Variants in ANKS1B observed in about 807,000 individuals in gnomAD.
ANKS1B encodes the protein ankyrin repeat and sterile alpha motif domain containing 1B, also known as ankyrin repeat and sterile alpha motif domain-containing protein 1B.
ANKS1B carries 36 observed loss-of-function variants against 148.3 expected under a neutral mutation model. That is an observed-to-expected ratio of 0.24 (90% CI 0.19 to 0.32). ANKS1B has a LOEUF of 0.32. Among genes scored for constraint, ANKS1B ranks in the 10% least tolerant of loss-of-function variants. The probability of loss-of-function intolerance (pLI) is 1.00; values close to 1 mark genes in which losing one functional copy is unlikely to be tolerated. For missense variants in ANKS1B, 1,157 were observed against 1,542.6 expected (o/e 0.75, Z 4.19); for synonymous variants, 542 against 560.8 (o/e 0.97, Z 0.47).
At chr12:98,840,883 A>G (rs908808635) in intron 17 of ANKS1B, among the ~76,000 whole-genome samples, 2 of 152,174 alleles carry the variant, frequency 1.3e-5, no homozygotes, top group Non-Finnish European at 2.9e-5. Context: ...CAATAACCCA[A>G]TCATTGGGGT....
At chr12:99,444,706 C>A (rs1364855791) in intron 10 of ANKS1B, among the ~76,000 whole-genome samples, 2 of 151,802 alleles carry the variant, frequency 1.3e-5, no homozygotes, top group Admixed American at 1.3e-4. Flanking sequence ...AAGCTCAAAT[C>A]TGCCAAAAAA....
At chr12:99,970,894 C>G (rs535753235) in intron 1 of ANKS1B, among the ~76,000 whole-genome samples, 1 of 152,282 alleles carries the variant, frequency 6.6e-6, no homozygotes, top group East Asian at 1.9e-4. Flanking sequence ...CCATATATCA[C>G]CCTGTATTTT....
At chr12:99,249,361 C>A (rs1009890929) in intron 12 of ANKS1B, among the ~76,000 whole-genome samples, 3 of 152,140 alleles carry the variant, frequency 2.0e-5, no homozygotes, top group African/African-American at 7.2e-5. Flanking sequence ...AGGTTACCAT[C>A]CCCTCTGTAG....
At chr12:99,070,595 C>T (rs2045943239) in intron 16 of ANKS1B, among the ~76,000 whole-genome samples, 1 of 152,288 alleles carries the variant, frequency 6.6e-6, no homozygotes, top group African/African-American at 2.4e-5. Flanking sequence ...TAAACATATG[C>T]TTTGGATCAC....
At chr12:98,927,719 TTTAAG>T (rs995312561) in intron 17 of ANKS1B, among the ~76,000 whole-genome samples, 5 of 151,750 alleles carry the variant, frequency 3.3e-5, no homozygotes, top group Non-Finnish European at 5.9e-5. Flanking sequence ...ACTAGATTAT[TTTAAG>T]TTAAGATGTT....
rs904408021 is a variant in ANKS1B, at chr12:99,479,081, C to T, written c.1438+25395G>A. Among the ~76,000 whole-genome samples the T allele has an allele frequency of 3.3e-5, 5 of 151,864 alleles. No individual in the cohort carries two copies. The East Asian group carries it at 7.7e-4, about 23-fold the overall frequency. On this transcript the variant is annotated intron_variant, in intron 10 of 26. Transcript: ENST00000683438. The stretch of plus-strand genomic sequence containing the variant: ...TGCAATTTATACTTTTAGCACATGT[C>T]AATTCAGACAGTAAACTTTAATTGA...
In ANKS1B at chr12:99,346,739, G is replaced by C. The variant is rs979553912; in HGVS notation, c.1756+52892C>G. Reference sequence around the variant, plus strand: ...AGATCATGGGGCAGATTTCCCCTTTGGTATTGTTTTCGTGAGTTATCAAAG... The same window carrying C: ...AGATCATGGGGCAGATTTCCCCTTTCGTATTGTTTTCGTGAGTTATCAAAG... On this transcript the variant is annotated intron_variant, in intron 12 of 26. Coordinates refer to ENST00000683438, the MANE Select transcript of ANKS1B (RefSeq NM_001352186.2). Among the ~76,000 whole-genome samples, 7 of 152,034 alleles carry C rather than the reference G, an allele frequency of 4.6e-5. No individual in the cohort carries two copies. In the East Asian group the frequency reaches 5.8e-4, roughly 13 times the overall value.
chr12:99,672,010 G>A (rs2098540523), intron 8 of ANKS1B, among the ~76,000 whole-genome samples: 1 of 151,952 alleles, frequency 6.6e-6, no homozygotes, highest in Non-Finnish European at 1.5e-5. Flanking sequence ...TTTTTTAAGT[G>A]GAAAAGAATT....
chr12:99,482,752 T>G (rs570329759), intron 10 of ANKS1B, among the ~76,000 whole-genome samples: 14 of 152,080 alleles, frequency 9.2e-5, no homozygotes, highest in South Asian at 6.2e-4. Context: ...TTCCTAGGTA[T>G]TTTTATTTTT....
At chr12:98,828,404 A>G in intron 19 of ANKS1B, among the ~76,000 whole-genome samples, 1 of 152,246 alleles carries the variant, frequency 6.6e-6, no homozygotes, top group East Asian at 1.9e-4. Context: ...GGAGGCAGAG[A>G]GAAGACTCCT....
chr12:99,731,771 C>A (rs1009360025), intron 8 of ANKS1B, among the ~76,000 whole-genome samples: 4 of 151,988 alleles, frequency 2.6e-5, no homozygotes, highest in African/African-American at 9.7e-5. Flanking sequence ...TTAGCTAAGA[C>A]ACAAAAAACA....
At chr12:98,870,487 T>C (rs1008003396) in intron 17 of ANKS1B, among the ~76,000 whole-genome samples, 77 of 152,348 alleles carry the variant, frequency 5.1e-4, no homozygotes, top group African/African-American at 1.8e-3. Context: ...CCCTTTTCTT[T>C]TCTTTGCTAT....
intron 17 of ANKS1B, among the ~76,000 whole-genome samples, chr12:99,028,378 G>A (rs1250530162): frequency 6.6e-6 from 1 of 152,218 alleles, no homozygotes; most frequent in African/African-American, 2.4e-5. Context: ...GCTTTAGGGA[G>A]TAAAAGTATG....
intron 5 of ANKS1B, among the ~76,000 whole-genome samples, chr12:99,780,511 T>G (rs1042847948): frequency 3.9e-5 from 6 of 152,074 alleles, no homozygotes; most frequent in Admixed American, 2.0e-4. Context: ...CTCGATATCC[T>G]GACCTCGTGA....
At chr12:99,567,946 C>T (rs1386582784) in intron 9 of ANKS1B, among the ~76,000 whole-genome samples, 3 of 152,172 alleles carry the variant, frequency 2.0e-5, no homozygotes, top group African/African-American at 7.2e-5. Context: ...CCCCCAGCAC[C>T]ACCTTCCACT....
In ANKS1B at chr12:99,276,149, A is replaced by G. The variant is rs118127569; in HGVS notation, c.1757-29285T>C. Among the ~76,000 whole-genome samples the G allele has an allele frequency of 8.1e-4, 124 of 152,326 alleles. 4 individuals carry two copies. The South Asian group carries it at 0.021, about 26-fold the overall frequency. ...TTTACTGAGTCCTTACTTAGCAGAC[A>G]AAGGATGAGGTTTATTACTTTTTGA... On this transcript the variant is annotated intron_variant, in intron 12 of 26. Transcript: ENST00000683438.
intron 14 of ANKS1B, among the ~76,000 whole-genome samples, chr12:99,220,689 C>T (rs570819047): frequency 5.3e-5 from 8 of 151,876 alleles, no homozygotes; most frequent in East Asian, 2.0e-4. Flanking sequence ...CCTTGTGATC[C>T]GCCTGCCTTG....
chr12:99,687,493 C>T (rs766777658), intron 8 of ANKS1B, among the ~76,000 whole-genome samples: 3 of 152,172 alleles, frequency 2.0e-5, no homozygotes, highest in Non-Finnish European at 2.9e-5. Flanking sequence ...GGTCACTGCT[C>T]ACTGATGCTC....
chr12:98,850,570 C>T (rs61933618), intron 17 of ANKS1B, among the ~76,000 whole-genome samples: 22,201 of 147,432 alleles, frequency 0.15, 2,096 homozygotes, highest in Admixed American at 0.27. Context: ...TGGGTTCACG[C>T]CATTCTCCTG....
Sources: allele counts gnomAD v4.1 joint callset (sites outside exome capture counted in the v4.1 genomes callset), GRCh38; gene constraint gnomAD v4.1.1; transcripts MANE v1.5; gene names NCBI Gene and HGNC (gene_info 2026-07-23, HGNC 2026-07-21).